Variants in MTR observed in about 807,000 individuals in gnomAD.
MTR encodes the protein 5-methyltetrahydrofolate-homocysteine methyltransferase.
MTR carries 84 observed loss-of-function variants against 154.8 expected under a neutral mutation model. The ratio of observed to expected loss-of-function variants is 0.54; its 90% CI spans 0.45 to 0.65. The LOEUF is 0.65. Ranked by LOEUF, MTR falls within the 30% of genes least tolerant of loss-of-function variation. MTR has a pLI of 0.00. For missense variants in MTR, 1,275 were observed against 1,570.2 expected, an observed-to-expected ratio of 0.81 and a Z score of 3.18; for synonymous variants, 554 against 553.9, an observed-to-expected ratio of 1.00 and a Z score of 0.00.
In MTR at chr1:236,816,282, A is replaced by AT. The variant is rs754117832; in HGVS notation, c.670-166dup. On this transcript the variant is annotated intron_variant, in intron 7 of 32. Transcript: ENST00000366577. ...GCCTCTTTCCCTAGTCTCTTGGCACATGTCTGTTCTGACTATTATAGAAAG... is the reference window on the plus strand; with the variant it reads ...GCCTCTTTCCCTAGTCTCTTGGCACATTGTCTGTTCTGACTATTATAGAAAG... Among the ~76,000 whole-genome samples, 54 of 152,244 alleles carry AT rather than the reference A, an allele frequency of 3.5e-4. 1 individual carries two copies. The highest frequency in any genetic ancestry group is 8.3e-4 in the South Asian group (4 of 4,824).
At chr1:236,866,553 G>A (rs1664835251) in intron 22 of MTR, among the ~76,000 whole-genome samples, 1 of 152,138 alleles carries the variant, frequency 6.6e-6, no homozygotes, top group South Asian at 2.1e-4. Context: ...CACACACCTC[G>A]ACATTAAGTC....
intron 16 of MTR, 89 bp downstream of exon 16, chr1:236,850,612 G>A (rs1488053174): frequency 1.7e-5 from 20 of 1,206,934 alleles, no homozygotes; most frequent in South Asian, 5.1e-5. Flanking sequence ...TATATTTATT[G>A]GCTGATGAAA....
At chr1:236,856,711 G>T (rs1401314898) in intron 18 of MTR, among the ~76,000 whole-genome samples, 2 of 152,040 alleles carry the variant, frequency 1.3e-5, no homozygotes, top group South Asian at 2.1e-4. Context: ...GCCCTGGTAT[G>T]TGATGTTCCC....
rs970415017 is a variant in MTR, at chr1:236,900,142, A to G, written c.*2498A>G. ...CATAGTTACATATTTATAATAGTTAATAACTGGAAAAAGTGAAATGTATGT... is the reference window on the plus strand; with the variant it reads ...CATAGTTACATATTTATAATAGTTAGTAACTGGAAAAAGTGAAATGTATGT... On this transcript the variant is annotated 3_prime_UTR_variant, in exon 33 of 33. Coordinates refer to ENST00000366577, the MANE Select transcript of MTR (RefSeq NM_000254.3). 7 of 405,088 alleles carry G rather than the reference A, an allele frequency of 1.7e-5. No individual in the cohort carries two copies. The highest frequency in any genetic ancestry group is 1.5e-4 in the African/African-American group (7 of 48,250). The allele number at this position is 405,088 out of a possible 1,614,324, so 25.1% of individuals were successfully genotyped here.
In MTR at chr1:236,860,751, A is replaced by G. The variant is rs537650854; in HGVS notation, c.2044-374A>G. ...CTTATTAGTCCTTCTCTGTTAGCAC[A>G]TTTTACTGAGGTATATTTTAAAGCA... On this transcript the variant is annotated intron_variant, in intron 19 of 32. Coordinates refer to ENST00000366577, the MANE Select transcript of MTR (RefSeq NM_000254.3). Among the ~76,000 whole-genome samples the G allele has an allele frequency of 4.2e-3, 634 of 152,314 alleles. 9 individuals are homozygous for G. The highest frequency in any genetic ancestry group is 0.015 in the African/African-American group (613 of 41,576).
chr1:236,895,191 G>A lies in MTR; in HGVS notation c.3406-167G>A, dbSNP rs978803579. ...AGCTGCAGAGCAGCAGCTGATGAAA[G>A]TACAAACCAATCAAGAATCCAGCCT... On this transcript the variant is annotated intron_variant, in intron 30 of 32. Transcript: ENST00000366577. The A allele has an allele frequency of 6.2e-6, 5 of 808,036 alleles. No homozygotes were observed. In the African/African-American group the frequency reaches 8.5e-5, roughly 14 times the overall value. The allele number at this position is 808,036 out of a possible 1,614,324, so 50.1% of individuals were successfully genotyped here.
intron 22 of MTR, among the ~76,000 whole-genome samples, chr1:236,871,342 C>T (rs1274415039): frequency 6.6e-6 from 1 of 152,162 alleles, no homozygotes; most frequent in African/African-American, 2.4e-5. Flanking sequence ...CTCTATCCTT[C>T]TCCGTTTCTG....
intron 4 of MTR, 115 bp downstream of exon 4, chr1:236,808,888 T>A (rs1661141564): frequency 1.2e-6 from 1 of 846,152 alleles, no homozygotes; most frequent in Non-Finnish European, 2.0e-6. Flanking sequence ...CGAGTAACAC[T>A]GCAGAGACTG....
At chr1:236,894,638 T>A in intron 30 of MTR, 81 bp downstream of exon 30, 1 of 1,404,408 alleles carries the variant, frequency 7.1e-7, no homozygotes, top group Non-Finnish European at 1.0e-6. Flanking sequence ...TGAAGACTGA[T>A]CAGCCCTTAG....
Position 236,897,310 on chromosome 1 carries a change from G to GCGCGCGCGCACACACACACACACACACA in MTR, c.3711+193_3711+194insGCGCGCGCACACACACACACACACACAC. ...ACTTCTACATGCAAGCCACACACAC[G>GCGCGCGCGCACACACACACACACACACA]CACACACACACACACACACACACAC... On this transcript the variant is annotated intron_variant, in intron 32 of 32. Coordinates refer to ENST00000366577, the MANE Select transcript of MTR (RefSeq NM_000254.3). Among the ~76,000 whole-genome samples, 909 of 128,618 alleles carry GCGCGCGCGCACACACACACACACACACA rather than the reference G, an allele frequency of 7.1e-3. 9 individuals carry two copies. The highest frequency in any genetic ancestry group is 0.012 in the Non-Finnish European group (712 of 58,104). The allele number at this position is 128,618 out of a possible 152,430, so 84.4% of individuals were successfully genotyped here. A position where few individuals can be genotyped will look rare whatever the true frequency, so the allele number is the denominator to read the frequency against.
In MTR at chr1:236,897,025, A is replaced by G. The variant is rs1666663511; in HGVS notation, c.3618A>G (p.Ser1206=). The change falls in exon 32 of 33, where the codon TCA becomes TCG. Residue 1206 remains serine, a synonymous_variant. Coordinates refer to ENST00000366577, the MANE Select transcript of MTR (RefSeq NM_000254.3). Reference sequence around the variant, plus strand: ...CTCTAGGCATTAGGTTAACAGAATCATTAGCAATGGCACCTGCTTCAGCAG... The same window carrying G: ...CTCTAGGCATTAGGTTAACAGAATCGTTAGCAATGGCACCTGCTTCAGCAG... ...EQSTGIRLTE[S]LAMAPASAVS... 7 of 1,613,912 alleles carry G rather than the reference A, an allele frequency of 4.3e-6. No individual in the cohort carries two copies. The highest frequency in any genetic ancestry group is 5.9e-6 in the Non-Finnish European group (7 of 1,179,870).
chr1:236,868,723 C>A (rs1230515164), intron 22 of MTR, among the ~76,000 whole-genome samples: 1 of 152,000 alleles, frequency 6.6e-6, no homozygotes, highest in African/African-American at 2.4e-5. Flanking sequence ...GTCTGATAAC[C>A]AGTGGTTCTT....
chr1:236,807,081 A>C (rs1317958041), intron 3 of MTR, among the ~76,000 whole-genome samples: 1 of 152,132 alleles, frequency 6.6e-6, no homozygotes, highest in African/African-American at 2.4e-5. Flanking sequence ...CCCCACATTC[A>C]ATTTTTTGTA....
chr1:236,888,626 G>A (rs187140210), intron 27 of MTR, among the ~76,000 whole-genome samples: 95 of 152,322 alleles, frequency 6.2e-4, no homozygotes, highest in Admixed American at 5.9e-3. Context: ...ATGCTTGGCA[G>A]AGTGGAGGAT....
chr1:236,804,733 T>C (rs1016098313), intron 2 of MTR, among the ~76,000 whole-genome samples: 4 of 152,194 alleles, frequency 2.6e-5, no homozygotes, highest in Non-Finnish European at 5.9e-5. Context: ...TAAATTGCTA[T>C]TTTTTCCCCA....
chr1:236,815,845 G>A (rs891224808), intron 7 of MTR, among the ~76,000 whole-genome samples, 182 bp downstream of exon 7: 1 of 152,122 alleles, frequency 6.6e-6, no homozygotes, highest in African/African-American at 2.4e-5. Flanking sequence ...TATCTGGAGA[G>A]GCAAGGAAAA....
At chr1:236,878,007 T>G (rs184783666) in intron 24 of MTR, among the ~76,000 whole-genome samples, 3 of 152,342 alleles carry the variant, frequency 2.0e-5, no homozygotes, top group African/African-American at 7.2e-5. Context: ...TTTTTAAATA[T>G]TTTTAAAAAT....
intron 32 of MTR, among the ~76,000 whole-genome samples, 164 bp from the exon 33 acceptor site, chr1:236,897,394 A>G (rs1392903923): frequency 1.3e-5 from 2 of 151,780 alleles, no homozygotes; most frequent in African/African-American, 4.8e-5. Flanking sequence ...TGCCCAGAGA[A>G]AAAGGCAACT....
chr1:236,803,142 A>G (rs1017770058), intron 1 of MTR, among the ~76,000 whole-genome samples: 10 of 152,164 alleles, frequency 6.6e-5, no homozygotes, highest in Admixed American at 2.6e-4. Flanking sequence ...TCACTGGCCC[A>G]TTATTGCCTG....
Sources: allele counts gnomAD v4.1 joint callset (sites outside exome capture counted in the v4.1 genomes callset), GRCh38; gene constraint gnomAD v4.1.1; transcripts MANE v1.5; gene names NCBI Gene and HGNC (gene_info 2026-07-23, HGNC 2026-07-21).